PHTF2: variants seen among roughly 807,000 people sequenced by gnomAD.
PHTF2 encodes putative homeodomain transcription factor 2, also known as protein PHTF2.
In PHTF2, 60 loss-of-function variants were observed where a neutral mutation model predicts 101.2. The ratio of observed to expected loss-of-function variants is 0.59; its 90% confidence interval spans 0.48 to 0.73. The LOEUF (loss-of-function observed/expected upper bound fraction) is 0.73, where lower values mean the gene tolerates loss of function less well. PHTF2 is among the 30% of genes least tolerant of loss of function. The pLI is 0.00. For missense variants in PHTF2, 747 were observed against 908.7 expected (o/e 0.82, Z 2.29); for synonymous variants, 311 against 307.3 (o/e 1.01, Z -0.13).
At chr7:77,940,082 C>G (rs754729211) in exon 14 of PHTF2, 52 of 1,613,298 alleles carry the variant, frequency 3.2e-5, no homozygotes, top group Non-Finnish European at 4.4e-5. Flanking sequence ...AATGCAGTCT[C>G]TCTCATACTG....
At chr7:77,901,982 C>T in intron 7 of PHTF2, 62 bp downstream of exon 6, 1 of 1,046,964 alleles carries the variant, frequency 9.6e-7, no homozygotes, top group East Asian at 2.7e-5. Flanking sequence ...TTTAATAAGT[C>T]TTTGTTTTAA....
At chr7:77,846,711 T>C (rs1422360287) in intron 2 of PHTF2, among the ~76,000 whole-genome samples, 1 of 149,356 alleles carries the variant, frequency 6.7e-6, no homozygotes, top group African/African-American at 2.4e-5. Context: ...GACACAGTCA[T>C]GGCTTACTGC....
intron 7 of PHTF2, among the ~76,000 whole-genome samples, chr7:77,902,421 C>T (rs998229310): frequency 2.6e-5 from 4 of 152,138 alleles, no homozygotes; most frequent in Non-Finnish European, 4.4e-5. Flanking sequence ...TACTATGCTT[C>T]GCTTATAGAC....
intron 3 of PHTF2, among the ~76,000 whole-genome samples, chr7:77,881,825 A>G (rs1799449336): frequency 6.6e-6 from 1 of 152,212 alleles, no homozygotes; most frequent in South Asian, 2.1e-4. Context: ...TTTATCTTAC[A>G]AACATTGGTC....
At chr7:77,921,407 TAG>T (rs971446515) in intron 10 of PHTF2, among the ~76,000 whole-genome samples, 3 of 152,206 alleles carry the variant, frequency 2.0e-5, no homozygotes, top group African/African-American at 7.2e-5. Context: ...AGTAAAAAAA[TAG>T]AGAGAGAGTC....
intron 1 of PHTF2, among the ~76,000 whole-genome samples, chr7:77,829,016 TTAAAAAA>T (rs1323657811): frequency 1.3e-5 from 2 of 151,838 alleles, no homozygotes; most frequent in Admixed American, 1.3e-4. Context: ...CCACAAGAAG[TTAAAAAA>T]TAAAAAATAT....
chr7:77,924,125 G>A, intron 11 of PHTF2: 1 of 956,822 alleles, frequency 1.0e-6, no homozygotes. Flanking sequence ...AGCTTTAAAG[G>A]GCGTTTCTAA....
intron 9 of PHTF2, among the ~76,000 whole-genome samples, chr7:77,915,787 T>A (rs848481): frequency 0.43 from 65,214 of 151,972 alleles, 15,849 homozygotes; most frequent in East Asian, 0.68. Flanking sequence ...GAAATACTGC[T>A]TCTATCATGG....
At chr7:77,889,442 A>T (rs1021133029) in intron 3 of PHTF2, among the ~76,000 whole-genome samples, 5 of 152,204 alleles carry the variant, frequency 3.3e-5, no homozygotes, top group African/African-American at 1.2e-4. Context: ...CATACACGTT[A>T]TTAAGCAAAA....
intron 1 of PHTF2, among the ~76,000 whole-genome samples, chr7:77,816,221 C>T (rs946877030): frequency 6.6e-6 from 1 of 152,046 alleles, no homozygotes; most frequent in Non-Finnish European, 1.5e-5. Context: ...ATTACAGGTG[C>T]GTACCACAAT....
intron 2 of PHTF2, among the ~76,000 whole-genome samples, chr7:77,850,089 G>A (rs550708034): frequency 6.6e-6 from 1 of 151,784 alleles, no homozygotes; most frequent in East Asian, 1.9e-4. Context: ...GGTGGATCAT[G>A]CCTGCAATCC....
chr7:77,896,748 G>A (rs1295819157), intron 5 of PHTF2, among the ~76,000 whole-genome samples: 1 of 152,154 alleles, frequency 6.6e-6, no homozygotes, highest in African/African-American at 2.4e-5. Flanking sequence ...TAACTGTGGT[G>A]TATTAATGTT....
chr7:77,912,918 A>G (rs1802545199), intron 9 of PHTF2, among the ~76,000 whole-genome samples: 1 of 149,126 alleles, frequency 6.7e-6, no homozygotes, highest in Admixed American at 6.7e-5. Context: ...CTATTTTAAA[A>G]CCCTGTATTT....
chr7:77,892,697 G>A (rs1478326149), intron 3 of PHTF2, among the ~76,000 whole-genome samples: 1 of 152,196 alleles, frequency 6.6e-6, no homozygotes, highest in African/African-American at 2.4e-5. Context: ...GACAGCAGGA[G>A]CTAATAGCAA....
intron 9 of PHTF2, among the ~76,000 whole-genome samples, chr7:77,916,111 A>G (rs1034684685): frequency 7.2e-5 from 11 of 152,072 alleles, no homozygotes; most frequent in African/African-American, 2.7e-4. Context: ...TGATTTCAGT[A>G]TATATGTTTA....
intron 7 of PHTF2, among the ~76,000 whole-genome samples, chr7:77,905,715 G>A (rs1165280752): frequency 6.6e-6 from 1 of 152,030 alleles, no homozygotes; most frequent in African/African-American, 2.4e-5. Context: ...CCAGGCTGGT[G>A]TCAAACTCCT....
At position 77,882,408 on chromosome 7, in the gene PHTF2, T is replaced by C. The variant is rs148471751; in HGVS notation, c.148-11200T>C. Among the ~76,000 whole-genome samples, 407 of 152,294 alleles carry C rather than the reference T, an allele frequency of 2.7e-3. 1 individual carries two copies. Among genetic ancestry groups the C allele is most frequent in the African/African-American group, 9.1e-3 (378 of 41,594 alleles). ...AAATTTGCCTTCTACTCAAGTAGCTTTACTTTTTTTAGTAACACTTTTTAA... is the reference window on the plus strand; with the variant it reads ...AAATTTGCCTTCTACTCAAGTAGCTCTACTTTTTTTAGTAACACTTTTTAA... On this transcript the variant is annotated intron_variant, in intron 3 of 19. Transcript: ENST00000416283.
chr7:77,940,486 G>T, intron 14 of PHTF2, 42 bp from the exon 14 acceptor site: 1 of 1,518,386 alleles, frequency 6.6e-7, no homozygotes, highest in Non-Finnish European at 8.9e-7. Flanking sequence ...TTTTTCTGTG[G>T]TAATCTACTT....
chr7:77,942,505 T>G (rs1805709891), intron 15 of PHTF2, among the ~76,000 whole-genome samples, 195 bp from the exon 15 acceptor site: 1 of 152,208 alleles, frequency 6.6e-6, no homozygotes, highest in African/African-American at 2.4e-5. Flanking sequence ...CCCTTTTAAC[T>G]CTGTTGCAAT....
Sources: allele counts gnomAD v4.1 joint callset (sites outside exome capture counted in the v4.1 genomes callset), GRCh38; gene constraint gnomAD v4.1.1; transcripts MANE v1.5; gene names NCBI Gene and HGNC (gene_info 2026-07-23, HGNC 2026-07-21).